Variants in TMEM200A observed in about 807,000 individuals in gnomAD.
TMEM200A encodes two transmembrane C.
Under a neutral mutation model 24.3 loss-of-function variants are expected in TMEM200A, and 12 were observed. The ratio of observed to expected loss-of-function variants is 0.49; its 90% CI spans 0.32 to 0.80. The LOEUF (loss-of-function observed/expected upper bound fraction) is 0.80, where lower values mean the gene tolerates loss of function less well. TMEM200A is among the 30% of genes least tolerant of loss of function. The probability of loss-of-function intolerance (pLI) is 0.04; values close to 1 mark genes in which losing one functional copy is unlikely to be tolerated. For synonymous variants in TMEM200A, 224 were observed against 224.4 expected (o/e 1.00, Z 0.02); for missense variants, 545 against 614.4 (o/e 0.89, Z 1.19).
chr6:130,416,428 T>C (rs544596440), intron 2 of TMEM200A, among the ~76,000 whole-genome samples: 1 of 152,272 alleles, frequency 6.6e-6, no homozygotes, highest in South Asian at 2.1e-4. Context: ...CTAAACTCTT[T>C]CTTCAAACAG....
chr6:130,371,962 G>A (rs540264738), intron 1 of TMEM200A, among the ~76,000 whole-genome samples: 1 of 152,208 alleles, frequency 6.6e-6, no homozygotes, highest in Admixed American at 6.5e-5. Flanking sequence ...CCTTAGATAC[G>A]TAAGCTCACT....
intron 2 of TMEM200A, among the ~76,000 whole-genome samples, chr6:130,416,865 C>T (rs1779468960): frequency 6.6e-6 from 1 of 152,082 alleles, no homozygotes; most frequent in Non-Finnish European, 1.5e-5. Flanking sequence ...TTTCACTCAC[C>T]TGCCTGCCCA....
At chr6:130,399,321 T>C (rs2115127887) in intron 2 of TMEM200A, among the ~76,000 whole-genome samples, 1 of 152,188 alleles carries the variant, frequency 6.6e-6, no homozygotes, top group African/African-American at 2.4e-5. Flanking sequence ...TTCCATCAGC[T>C]GTGGAAGTTT....
intron 1 of TMEM200A, among the ~76,000 whole-genome samples, chr6:130,375,881 G>C (rs1007343311): frequency 2.0e-5 from 3 of 152,128 alleles, no homozygotes; most frequent in African/African-American, 7.2e-5. Context: ...GCTCACATTA[G>C]AGACTATATG....
intron 2 of TMEM200A, among the ~76,000 whole-genome samples, chr6:130,420,246 G>T (rs1779551430): frequency 1.3e-5 from 2 of 152,036 alleles, no homozygotes; most frequent in Admixed American, 6.6e-5. Flanking sequence ...ATACCTACTT[G>T]TATCAGTCAG....
Position 130,442,512 on chromosome 6 carries a change from C to T in TMEM200A, c.*614C>T, listed in dbSNP as rs984244686. The stretch of plus-strand genomic sequence containing the variant: ...TTTTTAGTGATATTATATCAAGAAA[C>T]AACGTATTCAAGAGCCATGGCTGAC... On this transcript the variant is annotated 3_prime_UTR_variant, in exon 3 of 3. Coordinates refer to ENST00000296978, the MANE Select transcript of TMEM200A (RefSeq NM_001258277.2). The T allele has an allele frequency of 1.8e-5, 3 of 166,324 alleles. No homozygotes were observed. Among genetic ancestry groups the T allele is most frequent in the African/African-American group, 7.3e-5 (3 of 41,374 alleles). The allele number at this position is 166,324 out of a possible 1,614,324, so 10.3% of individuals were successfully genotyped here. A position where few individuals can be genotyped will look rare whatever the true frequency, so the allele number is the denominator to read the frequency against.
At chr6:130,422,207 G>A (rs538365945) in intron 2 of TMEM200A, among the ~76,000 whole-genome samples, 7 of 152,124 alleles carry the variant, frequency 4.6e-5, no homozygotes, top group African/African-American at 9.6e-5. Flanking sequence ...ATCCTTGCCA[G>A]CACTTATCTT....
intron 2 of TMEM200A, among the ~76,000 whole-genome samples, chr6:130,413,224 C>G (rs1374384360): frequency 2.0e-5 from 3 of 152,234 alleles, no homozygotes; most frequent in Admixed American, 1.3e-4. Context: ...GCCCCTGGAA[C>G]TGGCTGTGAA....
intron 2 of TMEM200A, among the ~76,000 whole-genome samples, chr6:130,425,620 A>G (rs1181857502): frequency 6.6e-6 from 1 of 152,220 alleles, no homozygotes; most frequent in Non-Finnish European, 1.5e-5. Context: ...CCAGTTCGGA[A>G]GTAATATAGT....
rs559974821 is a variant in TMEM200A at position 130,431,403 on chromosome 6, C to T, written c.-16-9004C>T. Among the ~76,000 whole-genome samples, 7 of 152,202 alleles carry T rather than the reference C, an allele frequency of 4.6e-5. No homozygotes were observed. The East Asian group carries it at 1.2e-3, about 25-fold the overall frequency. On this transcript the variant is annotated intron_variant, in intron 2 of 2. Transcript: ENST00000296978. ...ATCCAGGAATATCTTGGCTAATTTC[C>T]CGTGTCTTAGTAAATTGGTGACATT...
chr6:130,410,172 G>A (rs183569688), intron 2 of TMEM200A, among the ~76,000 whole-genome samples: 85 of 152,268 alleles, frequency 5.6e-4, no homozygotes, highest in Admixed American at 2.0e-3. Flanking sequence ...GAGTTTCTTT[G>A]TGAGTTTTCT....
upstream of TMEM200A, chr6:130,365,665 TG>T: frequency 1.0e-6 from 1 of 984,464 alleles, no homozygotes. Flanking sequence ...GCCCCACGGG[TG>T]GGTGTGTCCG....
chr6:130,410,733 A>G (rs1779310883), intron 2 of TMEM200A, among the ~76,000 whole-genome samples: 1 of 152,238 alleles, frequency 6.6e-6, no homozygotes, highest in South Asian at 2.1e-4. Flanking sequence ...TTATGTTTTA[A>G]TTCTGATAAG....
At chr6:130,437,531 T>C (rs554832066) in intron 2 of TMEM200A, 43 of 152,298 alleles carry the variant, frequency 2.8e-4, no homozygotes, top group African/African-American at 1.0e-3. Flanking sequence ...TTAAACAGAA[T>C]TAAAGGACAT....
At chr6:130,403,579 C>T (rs1271107241) in intron 2 of TMEM200A, among the ~76,000 whole-genome samples, 1 of 151,518 alleles carries the variant, frequency 6.6e-6, no homozygotes, top group Non-Finnish European at 1.5e-5. Context: ...GTGAAAAAAG[C>T]CTGGATCATC....
At chr6:130,389,196 T>A (rs1473840382) in intron 2 of TMEM200A, among the ~76,000 whole-genome samples, 1 of 152,180 alleles carries the variant, frequency 6.6e-6, no homozygotes, top group Non-Finnish European at 1.5e-5. Flanking sequence ...AAATGAAGAT[T>A]TAGTATTGAT....
chr6:130,391,616 A>G (rs1778833201), intron 2 of TMEM200A, among the ~76,000 whole-genome samples: 1 of 152,128 alleles, frequency 6.6e-6, no homozygotes, highest in African/African-American at 2.4e-5. Flanking sequence ...CTGTTAGCTC[A>G]TAGTATTACT....
At chr6:130,433,651 G>A (rs1779933199) in intron 2 of TMEM200A, among the ~76,000 whole-genome samples, 1 of 152,066 alleles carries the variant, frequency 6.6e-6, no homozygotes, top group African/African-American at 2.4e-5. Flanking sequence ...ATACCACATG[G>A]GGTTTTTATA....
Position 130,410,897 on chromosome 6 carries a change from A to T in TMEM200A, c.-17+25661A>T, listed in dbSNP as rs191763171. 3.9e-5 allele frequency among the ~76,000 whole-genome samples: 6 copies of T among 152,318 alleles called. No homozygotes were observed. In the East Asian group the frequency reaches 1.2e-3, roughly 29 times the overall value. On this transcript the variant is annotated intron_variant, in intron 2 of 2. Transcript: ENST00000296978. ...AGTTTTGGAAAATCAGGCCAGGTGC[A>T]GTGGCTCACGCCTATAATCCCAGCA...
Sources: gnomAD v4.1 joint callset for allele counts (sites outside exome capture counted in the v4.1 genomes callset) on GRCh38, gnomAD v4.1.1 for gene constraint, MANE v1.5 for transcripts, NCBI Gene and HGNC (gene_info 2026-07-23, HGNC 2026-07-21) for gene names.